Variants in CACNA1E observed in about 807,000 individuals in gnomAD.
The protein encoded by CACNA1E is voltage-dependent R-type calcium channel subunit alpha-1E.
A neutral mutation model predicts 259.2 loss-of-function variants in CACNA1E; 40 were observed. The observed-to-expected ratio is 0.15, with a 90% CI of 0.12 to 0.20. The LOEUF (loss-of-function observed/expected upper bound fraction) is 0.20, where lower values mean the gene tolerates loss of function less well. Among genes scored for constraint, CACNA1E ranks in the 10% least tolerant of loss-of-function variants. The pLI is 1.00. For synonymous variants in CACNA1E, 1,104 were observed against 1,138.5 expected (o/e 0.97, Z 0.61); for missense variants, 1,874 against 3,040.1 (o/e 0.62, Z 9.02).
intron 1 of CACNA1E, among the ~76,000 whole-genome samples, chr1:181,319,622 A>G (rs971477574): frequency 6.6e-6 from 1 of 152,234 alleles, no homozygotes; most frequent in Non-Finnish European, 1.5e-5. Flanking sequence ...GTGTAATCAT[A>G]TCATTTATGA....
intron 1 of CACNA1E, among the ~76,000 whole-genome samples, chr1:181,360,830 A>G (rs1308345303): frequency 6.6e-6 from 1 of 152,154 alleles, no homozygotes; most frequent in Non-Finnish European, 1.5e-5. Flanking sequence ...CTTTACAAAA[A>G]TATTGTTCTA....
intron 1 of CACNA1E, 90 bp from the exon 2 acceptor site, chr1:181,510,387 G>T: frequency 1.2e-6 from 1 of 809,896 alleles, no homozygotes; most frequent in Admixed American, 1.9e-5. Flanking sequence ...GACACAATGC[G>T]GGTTGATAGA....
At chr1:181,464,674 GT>G (rs926299235) in intron 2 of CACNA1E, among the ~76,000 whole-genome samples, 2 of 144,490 alleles carry the variant, frequency 1.4e-5, no homozygotes, top group African/African-American at 5.1e-5. Context: ...TGATAACTTT[GT>G]TTTTTCCTTT....
chr1:181,725,930 G>T, intron 17 of CACNA1E, 135 bp from the exon 18 acceptor site: 2 of 593,386 alleles, frequency 3.4e-6, no homozygotes, highest in South Asian at 3.9e-5. Flanking sequence ...CTAACATCTC[G>T]CTGTCTTGTT....
chr1:181,754,329 C>T (rs1657879723), intron 27 of CACNA1E, among the ~76,000 whole-genome samples: 1 of 152,236 alleles, frequency 6.6e-6, no homozygotes, highest in Admixed American at 6.5e-5. Flanking sequence ...CACTTACATT[C>T]CCTGCAGTGT....
At chr1:181,373,689 C>T (rs1654875206) in intron 1 of CACNA1E, among the ~76,000 whole-genome samples, 2 of 152,076 alleles carry the variant, frequency 1.3e-5, no homozygotes, top group Non-Finnish European at 2.9e-5. Context: ...AGGCGCCTGC[C>T]ACTACGCCCG....
rs1453768333 is a variant in CACNA1E at position 181,733,504 on chromosome 1, C to G, written c.3016C>G (p.Leu1006Val). 1.9e-6 allele frequency: 3 copies of G among 1,601,902 alleles called. No homozygotes were observed. Among genetic ancestry groups the G allele is most frequent in the Non-Finnish European group, 2.6e-6 (3 of 1,173,224 alleles). ...AGGLDEADTPLVLPHPELEVG... is the reference protein window; with the variant it reads ...AGGLDEADTPVVLPHPELEVG... Reference sequence around the variant, plus strand: ...AGGCCTTGATGAGGCTGACACCCCCCTAGTCCTGCCCCATCCTGAGCTGGA... The same window carrying G: ...AGGCCTTGATGAGGCTGACACCCCCGTAGTCCTGCCCCATCCTGAGCTGGA... Residue 1006 changes from leucine to valine, a missense_variant, in exon 21 of 48, where the codon CTA becomes GTA. Physicochemically the swap from Leu to Val is conservative, Grantham distance 32. Coordinates refer to ENST00000367573, the MANE Select transcript of CACNA1E (RefSeq NM_001205293.3).
At chr1:181,678,524 T>C (rs79738131) in intron 7 of CACNA1E, among the ~76,000 whole-genome samples, 4,823 of 152,304 alleles carry the variant, frequency 0.032, 250 homozygotes, top group African/African-American at 0.11. Flanking sequence ...CTATCTAACA[T>C]GTATGTATCT....
chr1:181,608,902 G>T (rs1234673492), intron 6 of CACNA1E, among the ~76,000 whole-genome samples: 3 of 152,150 alleles, frequency 2.0e-5, no homozygotes, highest in Non-Finnish European at 4.4e-5. Context: ...ACCGTCAGAG[G>T]TTTCTGAGCC....
chr1:181,709,412 G>C (rs904321717), intron 7 of CACNA1E, among the ~76,000 whole-genome samples: 4 of 152,168 alleles, frequency 2.6e-5, no homozygotes, highest in African/African-American at 9.7e-5. Context: ...CTGATTGTAA[G>C]CAGGTGGCTG....
chr1:181,672,275 A>T (rs1449728889), intron 7 of CACNA1E, among the ~76,000 whole-genome samples: 1 of 152,142 alleles, frequency 6.6e-6, no homozygotes, highest in Non-Finnish European at 1.5e-5. Flanking sequence ...AAAAAACATA[A>T]CTATTGGGTA....
At chr1:181,725,839 G>GAT (rs1240407830) in intron 17 of CACNA1E, among the ~76,000 whole-genome samples, 6 of 152,246 alleles carry the variant, frequency 3.9e-5, no homozygotes, top group African/African-American at 1.4e-4. Context: ...TGGAGACAGG[G>GAT]ATTGCTGGCC....
chr1:181,338,503 A>ATTTT (rs71121088), intron 1 of CACNA1E, among the ~76,000 whole-genome samples: 38,280 of 141,024 alleles, frequency 0.27, 5,597 homozygotes, highest in Non-Finnish European at 0.32. Context: ...TCATTTACCC[A>ATTTT]TTTTTTTTTT....
At chr1:181,679,034 G>T (rs890432641) in intron 7 of CACNA1E, among the ~76,000 whole-genome samples, 4 of 152,034 alleles carry the variant, frequency 2.6e-5, no homozygotes, top group Admixed American at 6.5e-5. Context: ...CTTCCTCATG[G>T]TCTTTCACAC....
intron 44 of CACNA1E, 108 bp downstream of exon 44, chr1:181,790,664 T>TTTAGCCAGTTGC: frequency 1.3e-6 from 1 of 751,654 alleles, no homozygotes; most frequent in Non-Finnish European, 2.3e-6. Flanking sequence ...ATTCTAGTAG[T>TTTAGCCAGTTGC]TTAGCCAGTT....
rs1660022674 is a variant in CACNA1E, at chr1:181,776,920, T to C, written c.5267+692T>C. Reference sequence around the variant, plus strand: ...TCTGTTTTTGCAAATAAAGTTTTATTGAAAGACAGCTCAACCATTCGTTTA... The same window carrying C: ...TCTGTTTTTGCAAATAAAGTTTTATCGAAAGACAGCTCAACCATTCGTTTA... On this transcript the variant is annotated intron_variant, in intron 38 of 47. Transcript: ENST00000367573. This position sits in a 1 kb window ranked among gnomAD's most constrained non-coding sequence, Gnocchi z 4.4. Among the ~76,000 whole-genome samples the C allele has an allele frequency of 6.6e-6, 1 of 152,238 alleles. No homozygotes were observed. The highest frequency in any genetic ancestry group is 1.5e-5 in the Non-Finnish European group (1 of 68,036).
rs1301446217 is a variant in CACNA1E, at chr1:181,762,456, C to G, written c.4606-118C>G. 1.2e-5 allele frequency: 8 copies of G among 673,010 alleles called. No individual in the cohort carries two copies. The East Asian group carries it at 2.2e-4, about 19-fold the overall frequency. The allele number at this position is 673,010 out of a possible 1,614,324, so 41.7% of individuals were successfully genotyped here. A position where few individuals can be genotyped will look rare whatever the true frequency, so the allele number is the denominator to read the frequency against. On this transcript the variant is annotated intron_variant, in intron 32 of 47. Transcript: ENST00000367573. Reference sequence around the variant, plus strand: ...AAGCCAAAGTAAGAGTGAACTTATGCATTAATTGACAAGTTTTATTTCCAA... The same window carrying G: ...AAGCCAAAGTAAGAGTGAACTTATGGATTAATTGACAAGTTTTATTTCCAA...
At chr1:181,438,832 T>C (rs906060147) in intron 2 of CACNA1E, among the ~76,000 whole-genome samples, 1 of 152,224 alleles carries the variant, frequency 6.6e-6, no homozygotes, top group Admixed American at 6.5e-5. Context: ...ATATATGTCC[T>C]AGATAAATTC....
chr1:181,381,188 T>C (rs1655436939), intron 1 of CACNA1E, among the ~76,000 whole-genome samples: 1 of 151,362 alleles, frequency 6.6e-6, no homozygotes, highest in South Asian at 2.1e-4. Context: ...AAAATGTCCA[T>C]ATAAAGACCT....
Sources: gnomAD v4.1 joint callset for allele counts (sites outside exome capture counted in the v4.1 genomes callset) on GRCh38, gnomAD v4.1.1 for gene constraint, Gnocchi (gnomAD v3.1) non-coding constraint, MANE v1.5 for transcripts, NCBI Gene and HGNC (gene_info 2026-07-23, HGNC 2026-07-21) for gene names.